ADAMTSL1: variants seen among roughly 807,000 people sequenced by gnomAD.
The protein encoded by ADAMTSL1 is ADAMTS like 1, also known as ADAMTS-like protein 1.
A neutral mutation model predicts 201.8 loss-of-function variants in ADAMTSL1; 126 were observed. The observed-to-expected ratio is 0.62, with a 90% CI of 0.54 to 0.72. The LOEUF is 0.72. Ranked by LOEUF, ADAMTSL1 falls within the 30% of genes least tolerant of loss-of-function variation. The pLI, the probability that ADAMTSL1 is intolerant of heterozygous loss-of-function variation, is 0.00. For missense variants in ADAMTSL1, 2,679 were observed against 2,277.8 expected, an observed-to-expected ratio of 1.18 and a Z score of -3.59; for synonymous variants, 1,121 against 903.4, an observed-to-expected ratio of 1.24 and a Z score of -4.32.
intron 2 of ADAMTSL1, among the ~76,000 whole-genome samples, chr9:18,332,329 G>C (rs1392248753): frequency 6.6e-6 from 1 of 152,122 alleles, no homozygotes; most frequent in Admixed American, 6.6e-5. Flanking sequence ...TTAATTATAA[G>C]TAAAAATGAG....
At chr9:18,186,841 A>G (rs1828756591) in intron 2 of ADAMTSL1, among the ~76,000 whole-genome samples, 1 of 151,044 alleles carries the variant, frequency 6.6e-6, no homozygotes, top group Non-Finnish European at 1.5e-5. Context: ...CAACACACAC[A>G]CACACACACA....
intron 28 of ADAMTSL1, 53 bp downstream of exon 28, chr9:18,906,965 G>T: frequency 2.5e-6 from 4 of 1,598,146 alleles, no homozygotes; most frequent in Non-Finnish European, 3.4e-6. Context: ...AGCATCGAGT[G>T]CAGAGAGCAG....
intron 2 of ADAMTSL1, among the ~76,000 whole-genome samples, chr9:18,288,353 A>G (rs1833108708): frequency 2.0e-5 from 3 of 152,158 alleles, no homozygotes; most frequent in African/African-American, 4.8e-5. Flanking sequence ...ATGTTACTAC[A>G]TATTTTTCTG....
At chr9:18,850,270 T>C (rs1458352665) in intron 23 of ADAMTSL1, among the ~76,000 whole-genome samples, 1 of 152,008 alleles carries the variant, frequency 6.6e-6, no homozygotes, top group Non-Finnish European at 1.5e-5. Flanking sequence ...TGTGAATGAG[T>C]TTCATGTCCC....
chr9:18,649,419 C>T (rs1170260814), intron 7 of ADAMTSL1, among the ~76,000 whole-genome samples: 1 of 152,272 alleles, frequency 6.6e-6, no homozygotes, highest in African/African-American at 2.4e-5. Flanking sequence ...AGCTTTGTTC[C>T]GTTGCTGGTG....
At chr9:18,416,806 A>G (rs1818696302) in intron 2 of ADAMTSL1, among the ~76,000 whole-genome samples, 1 of 152,004 alleles carries the variant, frequency 6.6e-6, no homozygotes. Flanking sequence ...CCCAGGAGAA[A>G]TAAACAAATT....
intron 1 of ADAMTSL1, among the ~76,000 whole-genome samples, chr9:17,945,660 T>G (rs1286984240): frequency 6.6e-5 from 10 of 152,200 alleles, no homozygotes; most frequent in Admixed American, 6.5e-4. Flanking sequence ...ATTCACATCC[T>G]TTGTAGGGAC....
At position 18,313,307 on chromosome 9, in the gene ADAMTSL1, G is replaced by A. The variant is rs1412374188; in HGVS notation, c.207+149326G>A. On this transcript the variant is annotated intron_variant, in intron 2 of 29. Coordinates refer to the ADAMTSL1 transcript ENST00000680146. Reference sequence around the variant, plus strand: ...GAATTTTCAGGGGAAGAGTCCTTAGGTACCGATATTTTTTTAAGGCCCCAG... The same window carrying A: ...GAATTTTCAGGGGAAGAGTCCTTAGATACCGATATTTTTTTAAGGCCCCAG... 2.0e-5 allele frequency among the ~76,000 whole-genome samples: 3 copies of A among 152,120 alleles called. No individual in the cohort carries two copies. In the East Asian group the frequency reaches 5.8e-4, roughly 29 times the overall value.
intron 1 of ADAMTSL1, among the ~76,000 whole-genome samples, chr9:17,943,431 G>A (rs1827322887): frequency 6.6e-6 from 1 of 152,056 alleles, no homozygotes; most frequent in South Asian, 2.1e-4. Context: ...CCTTATCGCA[G>A]GTCAAGGCAG....
Position 18,171,700 on chromosome 9 carries a change from T to A in ADAMTSL1, c.207+7719T>A, listed in dbSNP as rs370222090. Among the ~76,000 whole-genome samples the A allele has an allele frequency of 2.6e-5, 4 of 152,224 alleles. No individual in the cohort carries two copies. In the East Asian group the frequency reaches 7.8e-4, roughly 30 times the overall value. On this transcript the variant is annotated intron_variant, in intron 2 of 29. Coordinates refer to the ADAMTSL1 transcript ENST00000680146. ...TCAGTTTAATCAGATCCCATTTGTCTATTTTGGCTTTTGTTGCCATTGCTT... is the reference window on the plus strand; with the variant it reads ...TCAGTTTAATCAGATCCCATTTGTCAATTTTGGCTTTTGTTGCCATTGCTT...
chr9:18,908,098 G>C, intron 28 of ADAMTSL1: 1 of 316,430 alleles, frequency 3.2e-6, no homozygotes, highest in South Asian at 2.9e-5. Context: ...TTTGCCTAGG[G>C]GGAGAGGTGA....
At chr9:18,274,338 C>T (rs1289702460) in intron 2 of ADAMTSL1, among the ~76,000 whole-genome samples, 2 of 152,016 alleles carry the variant, frequency 1.3e-5, no homozygotes, top group South Asian at 4.2e-4. Flanking sequence ...TTGTCCAAAT[C>T]TTAAAAAACA....
chr9:17,913,819 A>G (rs1261980277), intron 1 of ADAMTSL1, among the ~76,000 whole-genome samples: 1 of 7,566 alleles, frequency 1.3e-4, no homozygotes, highest in African/African-American at 1.5e-4. Flanking sequence ...AATAGACGCA[A>G]TAAAAATGAT....
chr9:18,058,105 A>T (rs972202223), intron 1 of ADAMTSL1, among the ~76,000 whole-genome samples: 2 of 152,242 alleles, frequency 1.3e-5, no homozygotes, highest in African/African-American at 4.8e-5. Context: ...AAAGGAGTGG[A>T]TAGATGGAAG....
At position 18,256,989 on chromosome 9, in the gene ADAMTSL1, C is replaced by A. The variant is rs76097383; in HGVS notation, c.207+93008C>A. 7.5e-3 allele frequency among the ~76,000 whole-genome samples: 1,138 copies of A among 152,272 alleles called. 13 individuals are homozygous for A. Among genetic ancestry groups the A allele is most frequent in the African/African-American group, 0.026 (1,095 of 41,558 alleles). On this transcript the variant is annotated intron_variant, in intron 2 of 29. Coordinates refer to the ADAMTSL1 transcript ENST00000680146. ...TACCCCTGCCTCAAGCTTACACATT[C>A]CATGAGAGTGGTTTTTGTTCATTAA... is the stretch of plus-strand genomic sequence containing the variant.
At chr9:18,205,662 C>G (rs181459049) in intron 2 of ADAMTSL1, among the ~76,000 whole-genome samples, 40 of 152,166 alleles carry the variant, frequency 2.6e-4, no homozygotes, top group African/African-American at 9.4e-4. Context: ...GATGTTCTCT[C>G]CTGTGAATTC....
chr9:18,254,345 G>GTTTTTTTTT lies in ADAMTSL1; in HGVS notation c.207+90391_207+90399dup, dbSNP rs59026505. On this transcript the variant is annotated intron_variant, in intron 2 of 29. Coordinates refer to the ADAMTSL1 transcript ENST00000680146. ...GGAACTACCGTCAATACTCTTTTTG[G>GTTTTTTTTT]TTTTTTTTTTTTTTTTTTTTTTTTT... Among the ~76,000 whole-genome samples, 111 of 49,370 alleles carry GTTTTTTTTT rather than the reference G, an allele frequency of 2.2e-3. 28 individuals are homozygous for GTTTTTTTTT. Among genetic ancestry groups the GTTTTTTTTT allele is most frequent in the East Asian group, 4.8e-3 (6 of 1,250 alleles). 32.4% of individuals were successfully genotyped at this position (49,370 alleles called of 152,430 possible).
intron 2 of ADAMTSL1, among the ~76,000 whole-genome samples, chr9:18,428,527 G>A (rs1330825004): frequency 1.3e-5 from 2 of 152,068 alleles, no homozygotes; most frequent in Non-Finnish European, 2.9e-5. Flanking sequence ...GGCTGAGATG[G>A]GAGAATTGTG....
intron 2 of ADAMTSL1, among the ~76,000 whole-genome samples, chr9:18,337,562 T>C (rs1401390175): frequency 6.6e-6 from 1 of 152,134 alleles, no homozygotes; most frequent in Non-Finnish European, 1.5e-5. Context: ...TGAGACACAG[T>C]GAAATTATAT....
Sources: allele counts gnomAD v4.1 joint callset (sites outside exome capture counted in the v4.1 genomes callset), GRCh38; gene constraint gnomAD v4.1.1; transcripts MANE v1.5; gene names NCBI Gene and HGNC (gene_info 2026-07-23, HGNC 2026-07-21).